Variants in CPEB3 observed in about 807,000 individuals in gnomAD.
CPEB3 encodes cytoplasmic polyadenylation element binding protein 3.
CPEB3 carries 20 observed loss-of-function variants against 67.2 expected under a neutral mutation model. The observed-to-expected ratio is 0.30, with a 90% CI of 0.21 to 0.43. CPEB3 has a LOEUF of 0.43. Ranked by LOEUF, CPEB3 falls within the 20% of genes least tolerant of loss-of-function variation. CPEB3 has a pLI of 1.00. For synonymous variants in CPEB3, 376 were observed against 393.1 expected, an observed-to-expected ratio of 0.96 and a Z score of 0.51; for missense variants, 746 against 968.6, an observed-to-expected ratio of 0.77 and a Z score of 3.05.
At chr10:92,174,896 T>A (rs530848797) in intron 4 of CPEB3, among the ~76,000 whole-genome samples, 4 of 152,322 alleles carry the variant, frequency 2.6e-5, no homozygotes, top group Non-Finnish European at 2.9e-5. Flanking sequence ...TTTAGAAGTA[T>A]CTTCTCTGGG....
At chr10:92,105,947 C>A (rs914570890) in intron 7 of CPEB3, among the ~76,000 whole-genome samples, 1 of 151,986 alleles carries the variant, frequency 6.6e-6, no homozygotes, top group Non-Finnish European at 1.5e-5. Context: ...GGCTAGAGTG[C>A]GATGGCGCAA....
intron 2 of CPEB3, among the ~76,000 whole-genome samples, chr10:92,202,441 G>A (rs1178296668): frequency 6.8e-6 from 1 of 146,842 alleles, no homozygotes; most frequent in African/African-American, 2.5e-5. Context: ...TGCATATAAT[G>A]CAATAACATT....
intron 7 of CPEB3, among the ~76,000 whole-genome samples, chr10:92,095,436 T>G (rs1285744284): frequency 2.6e-5 from 4 of 152,024 alleles, no homozygotes; most frequent in Non-Finnish European, 4.4e-5. Context: ...ACTATCTGTA[T>G]GAAAAGTTGC....
chr10:92,288,454 C>CA (rs367876455), intron 1 of CPEB3, among the ~76,000 whole-genome samples: 28,522 of 112,768 alleles, frequency 0.25, 3,830 homozygotes, highest in Middle Eastern at 0.36. Context: ...GACTCTGTCT[C>CA]AAAAAAAAAA....
intron 2 of CPEB3, among the ~76,000 whole-genome samples, chr10:92,227,791 C>T (rs1851055745): frequency 6.6e-6 from 1 of 152,176 alleles, no homozygotes; most frequent in South Asian, 2.1e-4. Context: ...CGGGGTTTCA[C>T]TGTGTTAGCC....
At position 92,237,771 on chromosome 10, in the gene CPEB3, A is replaced by G. The variant is rs888887154; in HGVS notation, c.1005+1575T>C. The stretch of plus-strand genomic sequence containing the variant: ...CTACCCCCTCCAAAAATAAGCACAT[A>G]AATTCCAGAAAGCAAATTCCTCCTT... On this transcript the variant is annotated intron_variant, in intron 2 of 9. Coordinates refer to ENST00000265997, the MANE Select transcript of CPEB3 (RefSeq NM_014912.5). 4.6e-5 allele frequency among the ~76,000 whole-genome samples: 7 copies of G among 152,306 alleles called. No homozygotes were observed. The East Asian group carries it at 1.3e-3, about 29-fold the overall frequency.
chr10:92,289,777 GTATATATGTATTATATAT>G (rs1842739100), intron 1 of CPEB3, among the ~76,000 whole-genome samples: 1 of 94,402 alleles, frequency 1.1e-5, no homozygotes, highest in African/African-American at 7.9e-5. Flanking sequence ...TATTATAAAT[GTATATATGTATTATATAT>G]TATAAATGTA....
At chr10:92,208,076 G>GTT (rs1213068854) in intron 2 of CPEB3, among the ~76,000 whole-genome samples, 1 of 152,198 alleles carries the variant, frequency 6.6e-6, no homozygotes. Flanking sequence ...CCTTGGTGAG[G>GTT]TTCTGATGAG....
intron 9 of CPEB3, among the ~76,000 whole-genome samples, chr10:92,073,038 C>CTTT (rs546510647): frequency 9.8e-5 from 6 of 61,232 alleles, no homozygotes; most frequent in Admixed American, 2.5e-4. Context: ...GAATCTCTGT[C>CTTT]TTTTTTTTTT....
chr10:92,247,402 T>C (rs1852117274), intron 1 of CPEB3, among the ~76,000 whole-genome samples: 2 of 152,090 alleles, frequency 1.3e-5, no homozygotes, highest in Admixed American at 6.6e-5. Flanking sequence ...TATTTTATTT[T>C]ATTATTTGTT....
chr10:92,107,907 TG>T (rs1844549642), intron 7 of CPEB3, among the ~76,000 whole-genome samples: 2 of 152,136 alleles, frequency 1.3e-5, no homozygotes, highest in Admixed American at 6.5e-5. Flanking sequence ...TAGTCACTGA[TG>T]AAAAATATCT....
intron 1 of CPEB3, among the ~76,000 whole-genome samples, chr10:92,278,256 G>T (rs1564928534): frequency 6.6e-6 from 1 of 151,916 alleles, no homozygotes. Flanking sequence ...GGATTAGATT[G>T]TCATTTTCTA....
At chr10:92,161,475 G>A (rs1847475446) in intron 4 of CPEB3, among the ~76,000 whole-genome samples, 3 of 152,072 alleles carry the variant, frequency 2.0e-5, no homozygotes. Flanking sequence ...ATTTCACCAT[G>A]TTGGCCAGGC....
At chr10:92,237,848 C>T (rs1010447580) in intron 2 of CPEB3, among the ~76,000 whole-genome samples, 3 of 152,068 alleles carry the variant, frequency 2.0e-5, no homozygotes, top group African/African-American at 7.2e-5. Context: ...TTAAAATAAA[C>T]AAACTTTAGA....
chr10:92,208,311 T>C (rs944762049), intron 2 of CPEB3, among the ~76,000 whole-genome samples: 2 of 152,192 alleles, frequency 1.3e-5, no homozygotes, highest in African/African-American at 4.8e-5. Context: ...GTCAGACTCC[T>C]TTGTGGTAGA....
chr10:92,123,737 T>C (rs959955413), intron 6 of CPEB3, among the ~76,000 whole-genome samples: 2 of 152,210 alleles, frequency 1.3e-5, no homozygotes, highest in African/African-American at 4.8e-5. Context: ...TTGATAGTCT[T>C]AATTTCTTCG....
chr10:92,132,361 A>G (rs7098686), intron 6 of CPEB3, among the ~76,000 whole-genome samples: 2,218 of 152,300 alleles, frequency 0.015, 56 homozygotes, highest in African/African-American at 0.05. Flanking sequence ...GCCTTACTCC[A>G]ATATAAATTC....
At chr10:92,191,528 AATG>A (rs1848983756) in intron 3 of CPEB3, among the ~76,000 whole-genome samples, 1 of 152,210 alleles carries the variant, frequency 6.6e-6, no homozygotes, top group Non-Finnish European at 1.5e-5. Context: ...GTGACAAGAA[AATG>A]ATGAAAGAGA....
chr10:92,065,912 G>T (rs1021753722), intron 9 of CPEB3, among the ~76,000 whole-genome samples: 5 of 151,800 alleles, frequency 3.3e-5, no homozygotes, highest in Non-Finnish European at 7.4e-5. Context: ...TGGGCAACAT[G>T]CTGAGACCCC....
Sources: gnomAD v4.1 joint callset for allele counts (sites outside exome capture counted in the v4.1 genomes callset) on GRCh38, gnomAD v4.1.1 for gene constraint, MANE v1.5 for transcripts, NCBI Gene and HGNC (gene_info 2026-07-23, HGNC 2026-07-21) for gene names.